Variants in SRSF4 observed in about 807,000 individuals in gnomAD.
SRSF4 encodes serine and arginine rich splicing factor 4.
In SRSF4, 12 loss-of-function variants were observed where a neutral mutation model predicts 48.8. That is an observed-to-expected ratio of 0.25 (90% CI 0.16 to 0.40). SRSF4 has a LOEUF of 0.40. SRSF4 is among the 10% of genes least tolerant of loss of function. The probability of loss-of-function intolerance (pLI) is 1.00; values close to 1 mark genes in which losing one functional copy is unlikely to be tolerated. For synonymous variants in SRSF4, 248 were observed against 232.5 expected, an observed-to-expected ratio of 1.07 and a Z score of -0.61; for missense variants, 466 against 667.1, an observed-to-expected ratio of 0.70 and a Z score of 3.32.
intron 3 of SRSF4, among the ~76,000 whole-genome samples, chr1:29,156,353 C>CA (rs34857487): frequency 0.12 from 17,168 of 144,062 alleles, 1,303 homozygotes; most frequent in East Asian, 0.36. Flanking sequence ...ACCTTCGTCT[C>CA]AAAAAAAAAA....
intron 3 of SRSF4, among the ~76,000 whole-genome samples, chr1:29,157,955 T>G (rs1280674284): frequency 6.6e-6 from 1 of 152,066 alleles, no homozygotes. Flanking sequence ...GGATCACTTG[T>G]GGTCAGGAGG....
chr1:29,180,300 C>T (rs890862863), intron 1 of SRSF4, among the ~76,000 whole-genome samples: 6 of 152,104 alleles, frequency 3.9e-5, no homozygotes, highest in African/African-American at 1.4e-4. Context: ...ACAATAACGT[C>T]TACCCGCCAC....
chr1:29,167,383 CTTTT>C (rs1363293667), intron 1 of SRSF4, among the ~76,000 whole-genome samples: 1 of 151,226 alleles, frequency 6.6e-6, no homozygotes. Context: ...CAATTTTACG[CTTTT>C]TGTTTTTGTT....
intron 1 of SRSF4, chr1:29,172,322 T>A (rs867796519): frequency 1.3e-5 from 2 of 152,110 alleles, no homozygotes; most frequent in South Asian, 4.1e-4. Flanking sequence ...TGAGACAGAG[T>A]CTCACTCTGT....
chr1:29,160,025 A>C (rs1232570712), intron 2 of SRSF4: 1 of 201,122 alleles, frequency 5.0e-6, no homozygotes, highest in African/African-American at 2.4e-5. Context: ...AGGTCAGCAA[A>C]TGGAACAGGC....
chr1:29,156,757 C>T (rs1009643368), intron 3 of SRSF4, among the ~76,000 whole-genome samples: 4 of 151,578 alleles, frequency 2.6e-5, no homozygotes, highest in Non-Finnish European at 4.4e-5. Context: ...CAACACCACC[C>T]GTAGGGTACC....
At chr1:29,161,707 T>G (rs1672600022) in intron 1 of SRSF4, among the ~76,000 whole-genome samples, 1 of 152,240 alleles carries the variant, frequency 6.6e-6, no homozygotes, top group African/African-American at 2.4e-5. Context: ...CAAGTGATTC[T>G]CCTGCCTCAG....
chr1:29,168,118 A>T (rs1317255019), intron 1 of SRSF4, among the ~76,000 whole-genome samples: 2 of 151,630 alleles, frequency 1.3e-5, no homozygotes, highest in African/African-American at 4.8e-5. Context: ...GGGCTCAAGC[A>T]ATTCTTGTAC....
chr1:29,157,230 T>A (rs1024323075), intron 3 of SRSF4, among the ~76,000 whole-genome samples: 1 of 152,116 alleles, frequency 6.6e-6, no homozygotes, highest in African/African-American at 2.4e-5. Context: ...AGAGGCCTCT[T>A]GTGGCTTTGC....
rs1358199103 is a variant in SRSF4 at position 29,159,523 on chromosome 1, G to A, written c.251-37C>T. ...TCAAATAAATAAGATTATTTCAGTG[G>A]AAGAAAAGGAAAAAAAATGACACAG... On this transcript the variant is annotated intron_variant, in intron 2 of 5. Coordinates refer to ENST00000373795, the MANE Select transcript of SRSF4 (RefSeq NM_005626.5). The A allele has an allele frequency of 2.7e-6, 4 of 1,495,900 alleles. No individual in the cohort carries two copies. The Admixed American group carries it at 5.3e-5, about 20-fold the overall frequency. The allele number at this position is 1,495,900 out of a possible 1,614,324, so 92.7% of individuals were successfully genotyped here. A position where few individuals can be genotyped will look rare whatever the true frequency, so the allele number is the denominator to read the frequency against.
chr1:29,171,673 G>C (rs1672746665), intron 1 of SRSF4: 1 of 151,974 alleles, frequency 6.6e-6, no homozygotes, highest in African/African-American at 2.4e-5. Context: ...CAGATGCCTG[G>C]AGCACCTTTC....
intron 2 of SRSF4, 77 bp downstream of exon 2, chr1:29,160,298 T>C: frequency 2.1e-6 from 3 of 1,458,960 alleles, no homozygotes; most frequent in Non-Finnish European, 1.8e-6. Flanking sequence ...TTAAATGTAA[T>C]ATCAATTAAT....
intron 1 of SRSF4, among the ~76,000 whole-genome samples, chr1:29,176,708 C>T (rs751279138): frequency 3.3e-5 from 5 of 152,178 alleles, no homozygotes; most frequent in Admixed American, 1.3e-4. Context: ...CAACGACCTG[C>T]CTCACTCGAA....
chr1:29,149,462 C>T (rs771068617), intron 5 of SRSF4, among the ~76,000 whole-genome samples: 1 of 151,942 alleles, frequency 6.6e-6, no homozygotes. Flanking sequence ...AGGCGGATCG[C>T]GAGGTCAGGA....
At chr1:29,171,259 C>A (rs1278222114) in intron 1 of SRSF4, 3 of 151,712 alleles carry the variant, frequency 2.0e-5, no homozygotes, top group Non-Finnish European at 4.4e-5. Context: ...TTGGCAGTAA[C>A]TTGTCAGCTT....
intron 3 of SRSF4, among the ~76,000 whole-genome samples, chr1:29,158,070 G>C (rs1210086544): frequency 1.3e-5 from 2 of 152,008 alleles, no homozygotes; most frequent in African/African-American, 4.8e-5. Flanking sequence ...TACTCAGAGG[G>C]CTGAGGCAGA....
intron 1 of SRSF4, among the ~76,000 whole-genome samples, chr1:29,176,056 T>A (rs567695094): frequency 1.3e-5 from 2 of 152,136 alleles, no homozygotes; most frequent in Admixed American, 6.5e-5. Context: ...ATCAAGACCA[T>A]CCTGCCTAAC....
chr1:29,149,377 C>T, intron 5 of SRSF4, 151 bp from the exon 6 acceptor site: 5 of 1,058,654 alleles, frequency 4.7e-6, no homozygotes, highest in Non-Finnish European at 6.6e-6. Context: ...CCTCACAATG[C>T]CAATCAGAAG....
At chr1:29,151,894 T>C (rs1672416434) in intron 4 of SRSF4, among the ~76,000 whole-genome samples, 1 of 152,248 alleles carries the variant, frequency 6.6e-6, no homozygotes, top group African/African-American at 2.4e-5. Flanking sequence ...GGCAAAATGC[T>C]ATCTGTTAAA....
Sources: allele counts gnomAD v4.1 joint callset (sites outside exome capture counted in the v4.1 genomes callset), GRCh38; gene constraint gnomAD v4.1.1; transcripts MANE v1.5; gene names NCBI Gene and HGNC (gene_info 2026-07-23, HGNC 2026-07-21).